The following WDR49 variants were observed in gnomAD, a reference collection of about 807,000 sequenced individuals.
WDR49 encodes the protein cilia- and flagella-associated protein 337.
A neutral mutation model predicts 119.5 loss-of-function variants in WDR49; 107 were observed. The ratio of observed to expected loss-of-function variants is 0.90; its 90% CI spans 0.77 to 1.05. The LOEUF (loss-of-function observed/expected upper bound fraction) is 1.05. Among genes scored for constraint, WDR49 ranks in the 50% least tolerant of loss-of-function variants. WDR49 has a pLI of 0.00. For synonymous variants in WDR49, 425 were observed against 418.8 expected (o/e 1.01, Z -0.18); for missense variants, 1,240 against 1,220.5 (o/e 1.02, Z -0.24).
chr3:167,539,877 T>C lies in WDR49; in HGVS notation c.1824-2877A>G, dbSNP rs1711679225. Among the ~76,000 whole-genome samples, 4 of 152,300 alleles carry C rather than the reference T, an allele frequency of 2.6e-5. No homozygotes were observed. The South Asian group carries it at 8.3e-4, about 32-fold the overall frequency. On this transcript the variant is annotated intron_variant, in intron 10 of 18. Transcript: ENST00000682715. ...GTAAGTTCTAGAAGAGCAAATACTT[T>C]GTTTTTTTCCTTCTACAACAGCAGT...
intron 7 of WDR49, among the ~76,000 whole-genome samples, chr3:167,589,668 T>C (rs1046488154): frequency 6.6e-5 from 10 of 152,086 alleles, no homozygotes; most frequent in African/African-American, 2.2e-4. Flanking sequence ...GTTAAGTTTA[T>C]TCCTAGATAT....
chr3:167,655,475 G>T (rs1329116080), upstream of WDR49, among the ~76,000 whole-genome samples: 1 of 152,154 alleles, frequency 6.6e-6, no homozygotes, highest in Non-Finnish European at 1.5e-5. Flanking sequence ...TTCACTAGAG[G>T]CATGGTACAG....
chr3:167,490,158 G>T (rs900960542), intron 18 of WDR49, among the ~76,000 whole-genome samples: 1 of 152,286 alleles, frequency 6.6e-6, no homozygotes, highest in East Asian at 1.9e-4. Context: ...GGGTTGGTGA[G>T]AAAGAGTGGT....
Position 167,620,476 on chromosome 3 carries a change from C to A in WDR49, c.911G>T (p.Cys304Phe). Residue 304 changes from cysteine (C) to phenylalanine (F), a missense_variant, in exon 5 of 19, where the codon TGC becomes TTC. Cys to Phe is a radical substitution (Grantham distance 205). Transcript: ENST00000682715. ...AELLSGCHKC[C>F]HILEHKLHQG... ...ATGAAGTTTATGCTCTAATATATGGCAACATTTGTGACATCCAGAGAGCAG... is the reference window on the plus strand; with the variant it reads ...ATGAAGTTTATGCTCTAATATATGGAAACATTTGTGACATCCAGAGAGCAG... 1 of 1,536,050 alleles carries A rather than the reference C, an allele frequency of 6.5e-7. No individual in the cohort carries two copies. Among genetic ancestry groups the A allele is most frequent in the Non-Finnish European group, 8.7e-7 (1 of 1,146,684 alleles).
intron 16 of WDR49, among the ~76,000 whole-genome samples, chr3:167,517,032 A>G (rs1235063639): frequency 6.6e-6 from 1 of 152,226 alleles, no homozygotes; most frequent in African/African-American, 2.4e-5. Flanking sequence ...ATCTCACACT[A>G]GTTAGAATGG....
At chr3:167,525,084 A>C (rs577045900) in intron 15 of WDR49, among the ~76,000 whole-genome samples, 4 of 152,126 alleles carry the variant, frequency 2.6e-5, no homozygotes, top group Admixed American at 6.5e-5. Context: ...GATTTCCTTG[A>C]GCAACGATTT....
At chr3:167,504,642 A>G (rs1751699640) in intron 17 of WDR49, among the ~76,000 whole-genome samples, 1 of 152,140 alleles carries the variant, frequency 6.6e-6, no homozygotes, top group Non-Finnish European at 1.5e-5. Flanking sequence ...ACTTTGGAGG[A>G]CTATTGGGAG....
At chr3:167,479,668 T>C (rs868319476) in intron 18 of WDR49, among the ~76,000 whole-genome samples, 3 of 152,132 alleles carry the variant, frequency 2.0e-5, no homozygotes, top group Non-Finnish European at 2.9e-5. Flanking sequence ...TGGTGGAAAC[T>C]AGAAGCAGTA....
chr3:167,626,608 G>A (rs1450383922), intron 3 of WDR49, among the ~76,000 whole-genome samples: 1 of 152,016 alleles, frequency 6.6e-6, no homozygotes, highest in Admixed American at 6.6e-5. Flanking sequence ...CTATACAGGA[G>A]TAAAGTCCTT....
At chr3:167,611,590 C>T (rs1716339707) in intron 5 of WDR49, among the ~76,000 whole-genome samples, 2 of 152,046 alleles carry the variant, frequency 1.3e-5, no homozygotes, top group Admixed American at 1.3e-4. Context: ...AAACACACTT[C>T]ACCTATAAAG....
intron 7 of WDR49, among the ~76,000 whole-genome samples, chr3:167,583,782 A>G (rs1397546504): frequency 6.6e-6 from 1 of 152,192 alleles, no homozygotes; most frequent in Non-Finnish European, 1.5e-5. Context: ...GCCTCAAGAC[A>G]GTAGTTTTGC....
intron 17 of WDR49, among the ~76,000 whole-genome samples, chr3:167,501,997 A>T (rs1751589910): frequency 6.6e-6 from 1 of 152,196 alleles, no homozygotes; most frequent in Non-Finnish European, 1.5e-5. Flanking sequence ...TGTAATCCCC[A>T]GCATTGGAGA....
chr3:167,550,194 T>C (rs1712467794), intron 10 of WDR49, among the ~76,000 whole-genome samples: 1 of 152,162 alleles, frequency 6.6e-6, no homozygotes, highest in Non-Finnish European at 1.5e-5. Context: ...TTTGGTTCCA[T>C]ATGAACTTTA....
chr3:167,637,481 T>A (rs989022048), intron 2 of WDR49, among the ~76,000 whole-genome samples: 2 of 151,928 alleles, frequency 1.3e-5, no homozygotes, highest in Non-Finnish European at 1.5e-5. Flanking sequence ...TGTGGGCTCT[T>A]TTTTGGTTCC....
intron 18 of WDR49, among the ~76,000 whole-genome samples, chr3:167,494,861 G>A (rs1751289568): frequency 6.6e-6 from 1 of 152,140 alleles, no homozygotes; most frequent in African/African-American, 2.4e-5. Flanking sequence ...CAGTTTTGCA[G>A]TACGTGGGAG....
At chr3:167,616,744 A>G (rs1304632715) in intron 5 of WDR49, among the ~76,000 whole-genome samples, 2 of 152,236 alleles carry the variant, frequency 1.3e-5, no homozygotes, top group South Asian at 2.1e-4. Flanking sequence ...AATTTTAACC[A>G]GTATAAAGAC....
intron 11 of WDR49, among the ~76,000 whole-genome samples, chr3:167,533,310 A>G (rs748318907): frequency 1.3e-5 from 2 of 152,134 alleles, no homozygotes; most frequent in African/African-American, 4.8e-5. Context: ...GACCTTGGGC[A>G]TGTTATTTAA....
intron 2 of WDR49, among the ~76,000 whole-genome samples, chr3:167,639,338 A>C (rs1185585399): frequency 6.6e-6 from 1 of 151,764 alleles, no homozygotes; most frequent in Non-Finnish European, 1.5e-5. Flanking sequence ...CAAACCCTTC[A>C]TTTAAAAGGA....
intron 16 of WDR49, among the ~76,000 whole-genome samples, chr3:167,521,998 A>ATAGG (rs1237834004): frequency 4.8e-5 from 7 of 146,148 alleles, no homozygotes; most frequent in African/African-American, 7.5e-5. Flanking sequence ...AGATAGATAG[A>ATAGG]TAGATAGATA....
Sources: gnomAD v4.1 joint callset for allele counts (sites outside exome capture counted in the v4.1 genomes callset) on GRCh38, gnomAD v4.1.1 for gene constraint, MANE v1.5 for transcripts, NCBI Gene and HGNC (gene_info 2026-07-23, HGNC 2026-07-21) for gene names.